NBPF8: variants seen among roughly 807,000 people sequenced by gnomAD.
The protein encoded by NBPF8 is NBPF member 8.
chr1:120,451,622 A>T (rs1241213492), intron 12 of NBPF8, among the ~76,000 whole-genome samples: 1 of 144,314 alleles, frequency 6.9e-6, no homozygotes. Context: ...CCTTAGTGAG[A>T]ATCACCTCCT....
chr1:120,436,585 C>A lies in NBPF8; in HGVS notation n.233C>A, dbSNP rs1480484929. The A allele has an allele frequency of 3.1e-6, 5 of 1,599,200 alleles. No homozygotes were observed. In the East Asian group the frequency reaches 1.1e-4, roughly 36 times the overall value. On this transcript the variant is annotated non_coding_transcript_exon_variant, in exon 1 of 25. Transcript: ENST00000583271. ...CAGAGATGAACATTCTAGAAATCAACGAGAAATTGCGCCCCCAGTTGGCAG... is the reference window on the plus strand; with the variant it reads ...CAGAGATGAACATTCTAGAAATCAAAGAGAAATTGCGCCCCCAGTTGGCAG...
At chr1:120,425,419 C>T (rs1203390250) in intron 1 of NBPF8, among the ~76,000 whole-genome samples, 1 of 152,002 alleles carries the variant, frequency 6.6e-6, no homozygotes, top group Non-Finnish European at 1.5e-5. Flanking sequence ...AAGCACAGCA[C>T]TTTTTTCTTT....
chr1:120,418,347 CTCTT>C (rs1326125747), upstream of NBPF8, among the ~76,000 whole-genome samples: 1 of 72,730 alleles, frequency 1.4e-5, no homozygotes. Flanking sequence ...ACAGTTTTGA[CTCTT>C]TATTTATTTA....
downstream of NBPF8, among the ~76,000 whole-genome samples, chr1:120,468,434 C>CATT (rs1235730000): frequency 7.0e-6 from 1 of 142,828 alleles, no homozygotes; most frequent in African/African-American, 2.6e-5. Flanking sequence ...ACATGGATCG[C>CATT]ATTACTAGAT....
intron 1 of NBPF8, among the ~76,000 whole-genome samples, chr1:120,421,245 AG>A (rs1660566004): frequency 6.6e-6 from 1 of 152,212 alleles, no homozygotes; most frequent in African/African-American, 2.4e-5. Flanking sequence ...GTTTTACAGT[AG>A]TGCGTCTGTC....
intron 1 of NBPF8, among the ~76,000 whole-genome samples, chr1:120,420,877 T>C (rs1335896657): frequency 7.5e-5 from 11 of 147,032 alleles, no homozygotes; most frequent in Non-Finnish European, 1.6e-4. Context: ...ACTGCAGGCA[T>C]TGAGAGGGGG....
At chr1:120,422,468 C>T (rs1266178757) in intron 1 of NBPF8, among the ~76,000 whole-genome samples, 1 of 124,618 alleles carries the variant, frequency 8.0e-6, no homozygotes, top group Non-Finnish European at 1.7e-5. Context: ...CAAGAATGTC[C>T]TAGAGTTGGA....
intron 15 of NBPF8, 49 bp downstream of exon 13, chr1:120,454,163 G>A (rs1661367510): frequency 3.8e-6 from 6 of 1,581,136 alleles, no homozygotes. Context: ...GGCTGAGGAA[G>A]ATAAACTCTG....
At chr1:120,466,413 G>C in exon 25 of NBPF8, 1 of 672,180 alleles carries the variant, frequency 1.5e-6, no homozygotes, top group East Asian at 3.3e-5. Context: ...CCCACGTTAG[G>C]TGTGACACGT....
chr1:120,460,821 C>G (rs1297754564), intron 18 of NBPF8, among the ~76,000 whole-genome samples, 197 bp downstream of exon 16: 31 of 151,880 alleles, frequency 2.0e-4, no homozygotes, highest in African/African-American at 7.5e-4. Flanking sequence ...CATTTACTAA[C>G]CTAGTGAAAG....
exon 19 of NBPF8, chr1:120,461,309 G>A (rs61807127): frequency 6.4e-6 from 5 of 787,202 alleles, no homozygotes; most frequent in Middle Eastern, 3.5e-4. Flanking sequence ...GGACTCACTG[G>A]ATAGATGTTA....
At chr1:120,423,108 C>A (rs1319883056) in intron 1 of NBPF8, among the ~76,000 whole-genome samples, 2 of 134,140 alleles carry the variant, frequency 1.5e-5, no homozygotes, top group Admixed American at 1.4e-4. Flanking sequence ...GTCTTTCACA[C>A]AACAGAAGTT....
chr1:120,460,707 A>G (rs1661560090), intron 18 of NBPF8, 83 bp downstream of exon 16: 1 of 911,218 alleles, frequency 1.1e-6, no homozygotes, highest in South Asian at 1.3e-5. Context: ...CATGCTGAAA[A>G]TAATGATTTT....
Position 120,449,403 on chromosome 1 carries a change from GTAAGA to G in NBPF8, n.1971+3_1971+7del. 1 of 1,454,088 alleles carries G rather than the reference GTAAGA, an allele frequency of 6.9e-7. No homozygotes were observed. The highest frequency in any genetic ancestry group is 9.7e-7 in the Non-Finnish European group (1 of 1,034,002). 90.1% of individuals were successfully genotyped at this position (1,454,088 alleles called of 1,614,324 possible). ...CTGGCCAACCGACAGAACAAATACA[GTAAGA>G]TCTACAGGCTCACCATCATGAAAGT... is the stretch of plus-strand genomic sequence containing the variant. On this transcript the variant is annotated splice_donor_variant and splice_donor_5th_base_variant and intron_variant and non_coding_transcript_variant, in intron 11 of 24. Transcript: ENST00000583271.
At chr1:120,460,376 T>C (rs1282499692) in intron 17 of NBPF8, among the ~76,000 whole-genome samples, 197 bp from the exon 16 acceptor site, 1 of 152,298 alleles carries the variant, frequency 6.6e-6, no homozygotes, top group African/African-American at 2.4e-5. Flanking sequence ...CAGGGGAATT[T>C]TGCCCAAGGC....
chr1:120,451,911 A>T (rs1661285548), intron 12 of NBPF8, among the ~76,000 whole-genome samples: 1 of 151,848 alleles, frequency 6.6e-6, no homozygotes, highest in South Asian at 2.1e-4. Flanking sequence ...ATCATCGAGG[A>T]TCTTGCAAGA....
At chr1:120,415,608 C>T (rs1168178230), upstream of NBPF8, among the ~76,000 whole-genome samples, 2 of 152,180 alleles carry the variant, frequency 1.3e-5, no homozygotes, top group South Asian at 2.1e-4. Context: ...CGCACCCCAC[C>T]CTCGAGGCCA....
intron 1 of NBPF8, among the ~76,000 whole-genome samples, chr1:120,421,245 A>G (rs1238390621): frequency 6.6e-6 from 1 of 152,212 alleles, no homozygotes; most frequent in Non-Finnish European, 1.5e-5. Flanking sequence ...GTTTTACAGT[A>G]GTGCGTCTGT....
chr1:120,436,132 C>CTAGG (rs1553247716), upstream of NBPF8, among the ~76,000 whole-genome samples: 275 of 150,086 alleles, frequency 1.8e-3, no homozygotes, highest in Non-Finnish European at 3.2e-3. Context: ...TCAGGTGAGA[C>CTAGG]TAGGGTGCCT....
Sources: allele counts gnomAD v4.1 joint callset (sites outside exome capture counted in the v4.1 genomes callset), GRCh38; gene constraint gnomAD v4.1.1; transcripts MANE v1.5; gene names NCBI Gene and HGNC (gene_info 2026-07-23, HGNC 2026-07-21).